Variants in AGAP1 observed in about 807,000 individuals in gnomAD.
The protein encoded by AGAP1 is arf-GAP with GTPase, ANK repeat and PH domain-containing protein 1.
In AGAP1, 29 loss-of-function variants were observed where a neutral mutation model predicts 105.3. The ratio of observed to expected loss-of-function variants is 0.28; its 90% CI spans 0.21 to 0.38. The LOEUF (loss-of-function observed/expected upper bound fraction) is 0.38, where lower values mean the gene tolerates loss of function less well. Ranked by LOEUF, AGAP1 falls within the 10% of genes least tolerant of loss-of-function variation. AGAP1 has a pLI of 1.00. For synonymous variants in AGAP1, 509 were observed against 485.9 expected (o/e 1.05, Z -0.63); for missense variants, 998 against 1,165.1 (o/e 0.86, Z 2.09).
chr2:235,931,064 A>G lies in AGAP1; in HGVS notation c.1483+141A>G, dbSNP rs542338780. On this transcript the variant is annotated intron_variant, in intron 12 of 17. Coordinates refer to ENST00000304032, the MANE Select transcript of AGAP1 (RefSeq NM_001037131.3). The surrounding 1 kb of genome is among the most constrained non-coding windows in gnomAD (Gnocchi z 5.6). ...TGGGGCGGCTGCATCAGAGACTCAC[A>G]TCTTGCCTTTCATCTGTGGAACGTT... 24 of 948,902 alleles carry G rather than the reference A, an allele frequency of 2.5e-5. 1 individual carries two copies. The highest frequency in any genetic ancestry group is 9.3e-5 in the South Asian group (5 of 53,994). 58.8% of individuals were successfully genotyped at this position (948,902 alleles called of 1,614,324 possible). A position where few individuals can be genotyped will look rare whatever the true frequency, so the allele number is the denominator to read the frequency against.
At chr2:235,667,368 C>T (rs1056505588) in intron 1 of AGAP1, among the ~76,000 whole-genome samples, 3 of 152,102 alleles carry the variant, frequency 2.0e-5, no homozygotes, top group African/African-American at 7.2e-5. Flanking sequence ...GTAACATTTA[C>T]ATTTGATTTG....
At chr2:235,802,349 T>C (rs1957535533) in intron 8 of AGAP1, among the ~76,000 whole-genome samples, 1 of 152,178 alleles carries the variant, frequency 6.6e-6, no homozygotes, top group Non-Finnish European at 1.5e-5. Context: ...CCATTAATTA[T>C]TTCACCATTA....
At chr2:235,980,019 T>A (rs1297638066) in intron 13 of AGAP1, among the ~76,000 whole-genome samples, 2 of 152,146 alleles carry the variant, frequency 1.3e-5, no homozygotes, top group African/African-American at 4.8e-5. Context: ...TGACTCCCTA[T>A]CCCAAGACTC....
chr2:235,515,991 C>CGT (rs1384851933), intron 1 of AGAP1, among the ~76,000 whole-genome samples: 1 of 151,908 alleles, frequency 6.6e-6, no homozygotes, highest in Non-Finnish European at 1.5e-5. Context: ...CTCCGAGTAT[C>CGT]GTGACAGGTG....
At chr2:235,785,499 C>T (rs75689478) in intron 6 of AGAP1, among the ~76,000 whole-genome samples, 269 of 152,226 alleles carry the variant, frequency 1.8e-3, no homozygotes, top group African/African-American at 6.2e-3. Context: ...AGAACTCTTG[C>T]GTCTCCTGTT....
chr2:235,946,544 C>G (rs2053510691), intron 12 of AGAP1, among the ~76,000 whole-genome samples: 1 of 152,076 alleles, frequency 6.6e-6, no homozygotes, highest in African/African-American at 2.4e-5. Flanking sequence ...ATGTACTTAA[C>G]AGCATTTAAA....
Position 235,702,934 on chromosome 2 carries a change from G to GTGTTTTTTTTTTTTTTTTTTTTT in AGAP1, c.164-6244_164-6243insGTTTTTTTTTTTTTTTTTTTTTT, listed in dbSNP as rs1553609552. 6.1e-3 allele frequency among the ~76,000 whole-genome samples: 542 copies of GTGTTTTTTTTTTTTTTTTTTTTT among 88,884 alleles called. 16 individuals carry two copies. Among genetic ancestry groups the GTGTTTTTTTTTTTTTTTTTTTTT allele is most frequent in the Middle Eastern group, 0.022 (3 of 136 alleles). The allele number at this position is 88,884 out of a possible 152,430, so 58.3% of individuals were successfully genotyped here. A position where few individuals can be genotyped will look rare whatever the true frequency, so the allele number is the denominator to read the frequency against. On this transcript the variant is annotated intron_variant, in intron 1 of 17. Transcript: ENST00000304032. The stretch of plus-strand genomic sequence containing the variant: ...TGGTCACTGTGAGCCAGTTTTCTTG[G>GTGTTTTTTTTTTTTTTTTTTTTT]TTTTTTTTTTTTGGACAGAGTCTGG...
In AGAP1 at chr2:236,042,880, G is replaced by A. The variant is rs778475536; in HGVS notation, c.1891+2039G>A. Among the ~76,000 whole-genome samples the A allele has an allele frequency of 2.6e-5, 4 of 152,224 alleles. No individual in the cohort carries two copies. Among genetic ancestry groups the A allele is most frequent in the East Asian group, 1.9e-4 (1 of 5,194 alleles). On this transcript the variant is annotated intron_variant, in intron 15 of 17. Transcript: ENST00000304032. The surrounding 1 kb of genome is among the most constrained non-coding windows in gnomAD (Gnocchi z 5.6). ...CTAAATGTGTGGTCTGTGTCAGCCCGGTGCCAAACCCTCCCATGCGCTGTC... is the reference window on the plus strand; with the variant it reads ...CTAAATGTGTGGTCTGTGTCAGCCCAGTGCCAAACCCTCCCATGCGCTGTC...
Position 235,623,099 on chromosome 2 carries a change from C to T in AGAP1, c.164-86080C>T, listed in dbSNP as rs532622116. Among the ~76,000 whole-genome samples, 3 of 152,296 alleles carry T rather than the reference C, an allele frequency of 2.0e-5. No individual in the cohort carries two copies. Among genetic ancestry groups the T allele is most frequent in the African/African-American group, 7.2e-5 (3 of 41,560 alleles). On this transcript the variant is annotated intron_variant, in intron 1 of 17. Transcript: ENST00000304032. This position sits in a 1 kb window ranked among gnomAD's most constrained non-coding sequence, Gnocchi z 4.5. ...AGATGTCTCTCATGCAGCTCATTTT[C>T]CAGTGGATTGCCTGATGTTCTCCAG...
rs1466531129 is a variant in AGAP1 at position 236,092,230 on chromosome 2, A to G, written c.2115-27962A>G. On this transcript the variant is annotated intron_variant, in intron 16 of 17. Coordinates refer to ENST00000304032, the MANE Select transcript of AGAP1 (RefSeq NM_001037131.3). This position sits in a 1 kb window ranked among gnomAD's most constrained non-coding sequence, Gnocchi z 4.7. ...ATTGAACCAATTCCATGGACACATA[A>G]ATACAAATGACCACAAGGAAAATCG... Among the ~76,000 whole-genome samples the G allele has an allele frequency of 6.6e-6, 1 of 152,210 alleles. No homozygotes were observed. The highest frequency in any genetic ancestry group is 1.5e-5 in the Non-Finnish European group (1 of 68,034).
intron 1 of AGAP1, among the ~76,000 whole-genome samples, chr2:235,606,930 G>A (rs1472483902): frequency 9.1e-6 from 1 of 110,016 alleles, no homozygotes; most frequent in Admixed American, 1.3e-4. Flanking sequence ...ACAGAGCAAA[G>A]CAAGACTGCC....
chr2:236,075,559 G>T (rs2125814470), intron 16 of AGAP1, among the ~76,000 whole-genome samples: 1 of 152,228 alleles, frequency 6.6e-6, no homozygotes, highest in African/African-American at 2.4e-5. Context: ...AAGCCTTCCA[G>T]GTAAATATGG....
intron 13 of AGAP1, among the ~76,000 whole-genome samples, chr2:235,984,164 A>G (rs1056905379): frequency 5.3e-5 from 8 of 152,218 alleles, no homozygotes; most frequent in Non-Finnish European, 1.5e-5. Flanking sequence ...TGATAGTTGA[A>G]TATGGATCCT....
At chr2:235,813,126 G>A (rs1294463752) in intron 9 of AGAP1, among the ~76,000 whole-genome samples, 1 of 152,150 alleles carries the variant, frequency 6.6e-6, no homozygotes, top group East Asian at 1.9e-4. Flanking sequence ...AGGCCTACAC[G>A]TGAAATGACA....
chr2:235,914,466 G>A (rs1171817391), intron 11 of AGAP1, among the ~76,000 whole-genome samples: 1 of 152,088 alleles, frequency 6.6e-6, no homozygotes, highest in East Asian at 1.9e-4. Flanking sequence ...AGTGCTGAAG[G>A]GCCATATGGG....
Position 235,740,873 on chromosome 2 carries a change from G to A in AGAP1, c.311-90G>A, listed in dbSNP as rs1206352065. On this transcript the variant is annotated intron_variant, in intron 3 of 17. Transcript: ENST00000304032. The surrounding 1 kb of genome is among the most constrained non-coding windows in gnomAD (Gnocchi z 5.7). ...GTTGCCTCCAGGGCGACAGCCTAGG[G>A]TGTATTTTTCCACAAGCGAAGCCCA... 1.3e-6 allele frequency: 2 copies of A among 1,511,580 alleles called. No individual in the cohort carries two copies. The highest frequency in any genetic ancestry group is 1.4e-5 in the African/African-American group (1 of 73,024). 93.6% of individuals were successfully genotyped at this position (1,511,580 alleles called of 1,614,324 possible). A position where few individuals can be genotyped will look rare whatever the true frequency, so the allele number is the denominator to read the frequency against.
At chr2:235,757,627 C>G (rs774075052) in intron 6 of AGAP1, among the ~76,000 whole-genome samples, 7 of 152,196 alleles carry the variant, frequency 4.6e-5, no homozygotes, top group Non-Finnish European at 1.0e-4. Context: ...TTGTCCCTTC[C>G]CAGTAACGGC....
chr2:235,807,340 C>G lies in AGAP1; in HGVS notation c.1050+9C>G, dbSNP rs201945433. On this transcript the variant is annotated intron_variant, in intron 9 of 17. Transcript: ENST00000304032. ...CCATCCCAATTAAACAGGTGAGCAG[C>G]CTCCCCATCCTTCCCTCCCTGTCGC... 6.4e-7 allele frequency: 1 copy of G among 1,574,400 alleles called. No individual in the cohort carries two copies. Among genetic ancestry groups the G allele is most frequent in the African/African-American group, 1.4e-5 (1 of 72,188 alleles).
intron 5 of AGAP1, among the ~76,000 whole-genome samples, chr2:235,746,644 C>T (rs758980913): frequency 6.6e-6 from 1 of 151,980 alleles, no homozygotes; most frequent in Non-Finnish European, 1.5e-5. Context: ...TCATCCACAG[C>T]AGATTCTGCT....
Sources: allele counts gnomAD v4.1 joint callset (sites outside exome capture counted in the v4.1 genomes callset), GRCh38; gene constraint gnomAD v4.1.1; non-coding constraint Gnocchi (gnomAD v3.1); transcripts MANE v1.5; gene names NCBI Gene and HGNC (gene_info 2026-07-23, HGNC 2026-07-21).